KIF1A: variants seen among roughly 807,000 people sequenced by gnomAD.
The protein encoded by KIF1A is kinesin family member 1A, also known as kinesin-like protein KIF1A.
A neutral mutation model predicts 227.3 loss-of-function variants in KIF1A; 46 were observed. That is an observed-to-expected ratio of 0.20 (90% confidence interval 0.16 to 0.26). The LOEUF (loss-of-function observed/expected upper bound fraction) is 0.26, where lower values mean the gene tolerates loss of function less well. KIF1A is among the 10% of genes least tolerant of loss of function. The pLI, the probability that KIF1A is intolerant of heterozygous loss-of-function variation, is 1.00. For synonymous variants in KIF1A, 1,022 were observed against 1,012.8 expected, an observed-to-expected ratio of 1.01 and a Z score of -0.17; for missense variants, 1,683 against 2,485.9, an observed-to-expected ratio of 0.68 and a Z score of 6.87.
chr2:240,790,406 C>G lies in KIF1A; in HGVS notation c.107-1094G>C, dbSNP rs2055515141. Among the ~76,000 whole-genome samples the G allele has an allele frequency of 6.6e-6, 1 of 151,940 alleles. No individual in the cohort carries two copies. Among genetic ancestry groups the G allele is most frequent in the Non-Finnish European group, 1.5e-5 (1 of 68,000 alleles). On this transcript the variant is annotated intron_variant, in intron 2 of 48. Coordinates refer to ENST00000498729, the MANE Select transcript of KIF1A (RefSeq NM_001244008.2). This position sits in a 1 kb window ranked among gnomAD's most constrained non-coding sequence, Gnocchi z 5.0. ...GGCTGGAGATGAGGCTGTGTCTGCCCCGGATTGGTTTTCCTCAGCCAGCGT... is the reference window on the plus strand; with the variant it reads ...GGCTGGAGATGAGGCTGTGTCTGCCGCGGATTGGTTTTCCTCAGCCAGCGT...
At chr2:240,735,639 C>T (rs1228416729) in intron 38 of KIF1A, among the ~76,000 whole-genome samples, 1 of 152,188 alleles carries the variant, frequency 6.6e-6, no homozygotes, top group Non-Finnish European at 1.5e-5. Flanking sequence ...ACTCCAATTC[C>T]TGGTCCCCCA....
chr2:240,785,151 C>T (rs566139747), intron 6 of KIF1A, 51 bp from the exon 7 acceptor site: 16 of 1,460,942 alleles, frequency 1.1e-5, no homozygotes, highest in Middle Eastern at 4.1e-4. Flanking sequence ...TGGCCGGGTG[C>T]GAGATCGCCG....
In KIF1A at chr2:240,740,128, C is replaced by A; in HGVS notation, c.3831G>T (p.Arg1277=). ...TFLLHQGIQR[R]ITVTLLHETG... ...TCTCATGCAGTAGTGTCACCGTAATCCGTCGCTGGATGCCCTGCCGGTGCC... is the reference window on the plus strand; with the variant it reads ...TCTCATGCAGTAGTGTCACCGTAATACGTCGCTGGATGCCCTGCCGGTGCC... Residue 1277 remains arginine, a synonymous_variant, in exon 37 of 49, where the codon CGG becomes CGT. Transcript: ENST00000498729. The surrounding 1 kb of genome is among the most constrained non-coding windows in gnomAD (Gnocchi z 6.1). 1 of 1,590,004 alleles carries A rather than the reference C, an allele frequency of 6.3e-7. No homozygotes were observed. Among genetic ancestry groups the A allele is most frequent in the Non-Finnish European group, 8.6e-7 (1 of 1,168,676 alleles).
At chr2:240,731,082 A>C (rs940544660) in intron 38 of KIF1A, among the ~76,000 whole-genome samples, 5 of 152,148 alleles carry the variant, frequency 3.3e-5, no homozygotes, top group Non-Finnish European at 7.4e-5. Context: ...AAAGCTCGAA[A>C]CCTGGCCTGA....
chr2:240,773,260 G>A lies in KIF1A; in HGVS notation c.1038-4C>T. 3 of 1,613,788 alleles carry A rather than the reference G, an allele frequency of 1.9e-6. No homozygotes were observed. The highest frequency in any genetic ancestry group is 2.5e-6 in the Non-Finnish European group (3 of 1,179,776). ...CTGCTTGGCCCGGTCAGCATACCTGGGTGGCAGAGGGGGCTGTGGGCTGTG... is the reference window on the plus strand; with the variant it reads ...CTGCTTGGCCCGGTCAGCATACCTGAGTGGCAGAGGGGGCTGTGGGCTGTG... On this transcript the variant is annotated splice_polypyrimidine_tract_variant and splice_region_variant and intron_variant, in intron 12 of 48. Coordinates refer to ENST00000498729, the MANE Select transcript of KIF1A (RefSeq NM_001244008.2).
At chr2:240,791,308 C>T (rs931300819) in intron 2 of KIF1A, among the ~76,000 whole-genome samples, 3 of 152,176 alleles carry the variant, frequency 2.0e-5, no homozygotes, top group Non-Finnish European at 4.4e-5. Flanking sequence ...CTAGCACAGC[C>T]CGGCTGGGCC....
rs943353492 is a variant in KIF1A at position 240,766,381 on chromosome 2, C to T, written c.1684+534G>A. 6.6e-6 allele frequency among the ~76,000 whole-genome samples: 1 copy of T among 152,234 alleles called. No individual in the cohort carries two copies. Among genetic ancestry groups the T allele is most frequent in the Non-Finnish European group, 1.5e-5 (1 of 68,036 alleles). On this transcript the variant is annotated intron_variant, in intron 19 of 48. Transcript: ENST00000498729. The surrounding 1 kb of genome is among the most constrained non-coding windows in gnomAD (Gnocchi z 5.0). ...GCACCAGGCAATGGGGACAGCCCCA[C>T]GTCATCTCCAGGAGGGAGACCACTG... is the stretch of plus-strand genomic sequence containing the variant.
At chr2:240,785,141 T>G (rs1192427666) in intron 6 of KIF1A, 41 bp from the exon 7 acceptor site, 2 of 1,533,658 alleles carry the variant, frequency 1.3e-6, no homozygotes, top group Non-Finnish European at 1.8e-6. Context: ...CCTCGTCCTG[T>G]GGCCGGGTGC....
chr2:240,805,063 GGGAGAGGGCA>G (rs2057278173), intron 1 of KIF1A, among the ~76,000 whole-genome samples: 1 of 52,858 alleles, frequency 1.9e-5, no homozygotes, highest in Non-Finnish European at 3.5e-5. Flanking sequence ...GGAGAGGGGA[GGGAGAGGGCA>G]GGGAGAGGGG....
intron 27 of KIF1A, among the ~76,000 whole-genome samples, chr2:240,754,845 T>G (rs963217203): frequency 6.6e-6 from 1 of 151,500 alleles, no homozygotes; most frequent in African/African-American, 2.4e-5. Flanking sequence ...GAGCACCATG[T>G]GGGACCCAAG....
chr2:240,786,602 CA>C, intron 5 of KIF1A, 89 bp from the exon 6 acceptor site: 1 of 1,157,026 alleles, frequency 8.6e-7, no homozygotes. Context: ...GGGTAGGGGT[CA>C]ACATAAGGAC....
intron 1 of KIF1A, among the ~76,000 whole-genome samples, chr2:240,799,516 C>A (rs1264944715): frequency 6.6e-6 from 1 of 152,212 alleles, no homozygotes; most frequent in Non-Finnish European, 1.5e-5. Flanking sequence ...CCACCAGGTG[C>A]AGCCGCGTCT....
chr2:240,733,005 GATGAGGGGGA>G (rs1473473802), intron 38 of KIF1A, among the ~76,000 whole-genome samples: 1 of 123,546 alleles, frequency 8.1e-6, no homozygotes, highest in Non-Finnish European at 1.7e-5. Flanking sequence ...ATGAGGGAGG[GATGAGGGGGA>G]ATGAGGGAGG....
At chr2:240,769,830 G>T in intron 15 of KIF1A, 124 bp from the exon 16 acceptor site, 1 of 670,094 alleles carries the variant, frequency 1.5e-6, no homozygotes, top group Non-Finnish European at 2.6e-6. Flanking sequence ...GCCCGACAAG[G>T]CAACGAGGCA....
chr2:240,799,593 G>A lies in KIF1A; in HGVS notation c.-60-1781C>T, dbSNP rs184071780. ...GGAGTGGCTGCCAGCGTGGACGGGG[G>A]GATGACCTCTGAGAATCTGTGTTTC... On this transcript the variant is annotated intron_variant, in intron 1 of 48. Transcript: ENST00000498729. Among the ~76,000 whole-genome samples, 311 of 152,272 alleles carry A rather than the reference G, an allele frequency of 2.0e-3. 1 individual carries two copies. Among genetic ancestry groups the A allele is most frequent in the African/African-American group, 7.3e-3 (303 of 41,538 alleles).
Position 240,719,887 on chromosome 2 carries a change from G to A in KIF1A, c.4908C>T (p.Pro1636=), listed in dbSNP as rs759393763. ...QPCSRPASPE[P]ELLPEADSKK... ...TGGAGTCGGCCTCTGGCAGCAGCTC[G>A]GGCTCTGGGCTGGCTGGCCGGGAGC... Residue 1636 remains proline (P), a synonymous_variant, in exon 46 of 49, where the codon CCC becomes CCT. Coordinates refer to ENST00000498729, the MANE Select transcript of KIF1A (RefSeq NM_001244008.2). 1.2e-5 allele frequency: 20 copies of A among 1,611,502 alleles called. No individual in the cohort carries two copies. The highest frequency in any genetic ancestry group is 6.7e-5 in the Admixed American group (4 of 59,920).
intron 1 of KIF1A, among the ~76,000 whole-genome samples, chr2:240,807,914 A>G (rs192631920): frequency 6.6e-6 from 1 of 152,344 alleles, no homozygotes; most frequent in East Asian, 1.9e-4. Flanking sequence ...TGAGGCCCTC[A>G]ATAGATACTA....
At position 240,714,133 on chromosome 2, in the gene KIF1A, G is replaced by C. The variant is rs1465066229; in HGVS notation, c.*3231C>G. 7 of 152,466 alleles carry C rather than the reference G, an allele frequency of 4.6e-5. No individual in the cohort carries two copies. Among genetic ancestry groups the C allele is most frequent in the African/African-American group, 1.7e-4 (7 of 41,458 alleles). The allele number at this position is 152,466 out of a possible 1,614,324, so 9.4% of individuals were successfully genotyped here. A position where few individuals can be genotyped will look rare whatever the true frequency, so the allele number is the denominator to read the frequency against. ...GTGAGGCTGGCATAGGACCAGTGCAGCAGCACAGTAAACACCTGTGACATC... is the reference window on the plus strand; with the variant it reads ...GTGAGGCTGGCATAGGACCAGTGCACCAGCACAGTAAACACCTGTGACATC... On this transcript the variant is annotated 3_prime_UTR_variant, in exon 49 of 49. Transcript: ENST00000498729.
At chr2:240,780,847 T>A (rs1297580573) in intron 10 of KIF1A, among the ~76,000 whole-genome samples, 68 of 5,802 alleles carry the variant, frequency 0.012, 1 homozygote, top group Non-Finnish European at 0.02. Flanking sequence ...CACACACAGC[T>A]CCACACACAC....
Sources: gnomAD v4.1 joint callset for allele counts (sites outside exome capture counted in the v4.1 genomes callset) on GRCh38, gnomAD v4.1.1 for gene constraint, Gnocchi (gnomAD v3.1) non-coding constraint, MANE v1.5 for transcripts, NCBI Gene and HGNC (gene_info 2026-07-23, HGNC 2026-07-21) for gene names.